The following CMIP variants were observed in gnomAD, a reference collection of about 807,000 sequenced individuals.
CMIP encodes the protein c-Maf inducing protein.
A neutral mutation model predicts 97.3 loss-of-function variants in CMIP; 13 were observed. That is an observed-to-expected ratio of 0.13 (90% CI 0.09 to 0.21). CMIP has a LOEUF of 0.21. Ranked by LOEUF, CMIP falls within the 10% of genes least tolerant of loss-of-function variation. CMIP has a pLI of 1.00. For missense variants in CMIP, 847 were observed against 1,024.9 expected (o/e 0.83, Z 2.37); for synonymous variants, 538 against 436.3 (o/e 1.23, Z -2.91).
intron 18 of CMIP, among the ~76,000 whole-genome samples, chr16:81,704,782 G>C (rs936545224): frequency 1.6e-5 from 2 of 122,946 alleles, no homozygotes; most frequent in Admixed American, 1.8e-4. Context: ...CTTACCACAC[G>C]ACCCTTCCCT....
chr16:81,645,253 G>A lies in CMIP; in HGVS notation c.478-6950G>A, dbSNP rs1033125883. On this transcript the variant is annotated intron_variant, in intron 3 of 20. Transcript: ENST00000537098. ...TCAAAGCCGGGCTGGGTCCTCCCTG[G>A]CTCATATTTCCCTGTGGGGTCCTCC... is the stretch of plus-strand genomic sequence containing the variant. 7 of 657,700 alleles carry A rather than the reference G, an allele frequency of 1.1e-5. No homozygotes were observed. The East Asian group carries it at 3.6e-4, about 33-fold the overall frequency. The allele number at this position is 657,700 out of a possible 1,614,324, so 40.7% of individuals were successfully genotyped here. A position where few individuals can be genotyped will look rare whatever the true frequency, so the allele number is the denominator to read the frequency against.
chr16:81,468,746 T>A (rs1907354962), intron 1 of CMIP, among the ~76,000 whole-genome samples: 1 of 152,220 alleles, frequency 6.6e-6, no homozygotes, highest in Non-Finnish European at 1.5e-5. Context: ...GAGAGAAGGC[T>A]GCTGATCCAA....
chr16:81,569,927 G>A (rs1275402708), intron 1 of CMIP, among the ~76,000 whole-genome samples: 2 of 150,818 alleles, frequency 1.3e-5, no homozygotes, highest in African/African-American at 2.4e-5. Context: ...CTAAGCGTTC[G>A]TTATGAGTGC....
At chr16:81,657,650 G>T (rs2092499357) in intron 4 of CMIP, 125 bp from the exon 5 acceptor site, 1 of 755,516 alleles carries the variant, frequency 1.3e-6, no homozygotes, top group South Asian at 1.9e-5. Flanking sequence ...AAGAAAAAAT[G>T]ACAGTGACAG....
At chr16:81,654,960 C>T (rs999161631) in intron 4 of CMIP, among the ~76,000 whole-genome samples, 1 of 152,200 alleles carries the variant, frequency 6.6e-6, no homozygotes, top group African/African-American at 2.4e-5. Flanking sequence ...GGACAAGTTG[C>T]TAGGCCTTTC....
intron 1 of CMIP, among the ~76,000 whole-genome samples, chr16:81,607,238 A>G (rs2091759229): frequency 6.6e-6 from 1 of 152,176 alleles, no homozygotes; most frequent in Admixed American, 6.5e-5. Flanking sequence ...CTGGTGAGGG[A>G]TGGCGGGCTT....
At chr16:81,512,144 AG>A (rs2089824459) in intron 1 of CMIP, among the ~76,000 whole-genome samples, 1 of 152,234 alleles carries the variant, frequency 6.6e-6, no homozygotes, top group African/African-American at 2.4e-5. Context: ...TAGAATATTT[AG>A]TTTTAAACAT....
At chr16:81,688,210 G>A (rs955876201) in intron 10 of CMIP, among the ~76,000 whole-genome samples, 11 of 143,084 alleles carry the variant, frequency 7.7e-5, no homozygotes, top group Admixed American at 2.0e-4. Context: ...CTGTGTAGAT[G>A]ACTCGGAGTG....
At chr16:81,491,305 C>T (rs1182794072) in intron 1 of CMIP, among the ~76,000 whole-genome samples, 1 of 152,170 alleles carries the variant, frequency 6.6e-6, no homozygotes, top group Non-Finnish European at 1.5e-5. Context: ...AGTCCCGTCT[C>T]TGTCACCGCA....
intron 1 of CMIP, among the ~76,000 whole-genome samples, chr16:81,531,953 A>G (rs910267916): frequency 6.6e-6 from 1 of 152,232 alleles, no homozygotes; most frequent in Non-Finnish European, 1.5e-5. Flanking sequence ...AAATGAAATG[A>G]TTGCACTGCA....
chr16:81,704,814 G>C (rs1907941101), intron 18 of CMIP, among the ~76,000 whole-genome samples: 1 of 147,540 alleles, frequency 6.8e-6, no homozygotes, highest in Admixed American at 6.8e-5. Flanking sequence ...CCCACTCCCT[G>C]AGGCTAGAGG....
chr16:81,466,941 TC>T (rs1414847550), intron 1 of CMIP, among the ~76,000 whole-genome samples: 6 of 152,230 alleles, frequency 3.9e-5, no homozygotes, highest in African/African-American at 1.4e-4. Flanking sequence ...TTTCCTTTTT[TC>T]TTGTGCCTAA....
chr16:81,686,153 G>A (rs573203480), intron 10 of CMIP, among the ~76,000 whole-genome samples: 1 of 152,364 alleles, frequency 6.6e-6, no homozygotes, highest in African/African-American at 2.4e-5. Context: ...CTGGCACGCA[G>A]CAGGCGCTGC....
At chr16:81,602,703 GA>G (rs976951532) in intron 1 of CMIP, among the ~76,000 whole-genome samples, 16 of 152,258 alleles carry the variant, frequency 1.1e-4, no homozygotes, top group Non-Finnish European at 1.3e-4. Flanking sequence ...TAACGTTTAG[GA>G]AAAAAATTTT....
intron 1 of CMIP, among the ~76,000 whole-genome samples, chr16:81,494,675 A>T (rs1360938696): frequency 6.9e-6 from 1 of 145,604 alleles, no homozygotes; most frequent in Non-Finnish European, 1.5e-5. Flanking sequence ...ACAGCAGGAC[A>T]TGGTAGCTGG....
intron 1 of CMIP, among the ~76,000 whole-genome samples, chr16:81,499,676 C>A (rs1171521479): frequency 6.6e-6 from 1 of 152,234 alleles, no homozygotes; most frequent in Non-Finnish European, 1.5e-5. Flanking sequence ...GCCCGGGGAG[C>A]AGAGGTGGCT....
intron 1 of CMIP, among the ~76,000 whole-genome samples, chr16:81,496,944 C>T (rs1219310983): frequency 6.6e-6 from 1 of 152,288 alleles, no homozygotes; most frequent in African/African-American, 2.4e-5. Flanking sequence ...CATTTGCTTA[C>T]TGCTGGCTGG....
chr16:81,684,597 G>C (rs775361799), intron 10 of CMIP, among the ~76,000 whole-genome samples: 1 of 152,218 alleles, frequency 6.6e-6, no homozygotes, highest in Non-Finnish European at 1.5e-5. Context: ...GCCTTGTTCA[G>C]TCCCAACATG....
At chr16:81,586,543 T>C (rs1034068258) in intron 1 of CMIP, among the ~76,000 whole-genome samples, 8 of 152,052 alleles carry the variant, frequency 5.3e-5, no homozygotes, top group African/African-American at 1.9e-4. Flanking sequence ...AGTGATCCGG[T>C]GTAACTCCAA....
Sources: gnomAD v4.1 joint callset for allele counts (sites outside exome capture counted in the v4.1 genomes callset) on GRCh38, gnomAD v4.1.1 for gene constraint, MANE v1.5 for transcripts, NCBI Gene and HGNC (gene_info 2026-07-23, HGNC 2026-07-21) for gene names.